ANKS1B: variants seen among roughly 807,000 people sequenced by gnomAD.
The protein encoded by ANKS1B is ankyrin repeat and sterile alpha motif domain containing 1B.
ANKS1B carries 36 observed loss-of-function variants against 148.3 expected under a neutral mutation model. The ratio of observed to expected loss-of-function variants is 0.24; its 90% confidence interval spans 0.19 to 0.32. The LOEUF is 0.32. Among genes scored for constraint, ANKS1B ranks in the 10% least tolerant of loss-of-function variants. The pLI is 1.00. For synonymous variants in ANKS1B, 542 were observed against 560.8 expected, an observed-to-expected ratio of 0.97 and a Z score of 0.47; for missense variants, 1,157 against 1,542.6, an observed-to-expected ratio of 0.75 and a Z score of 4.19.
intron 15 of ANKS1B, among the ~76,000 whole-genome samples, chr12:99,094,912 G>GTA (rs1281316064): frequency 2.0e-5 from 3 of 152,034 alleles, no homozygotes; most frequent in Admixed American, 2.0e-4. Context: ...AAATTGGGAG[G>GTA]TATGGAAGTT....
chr12:99,302,789 T>A (rs547619573), intron 12 of ANKS1B, among the ~76,000 whole-genome samples: 12 of 152,298 alleles, frequency 7.9e-5, no homozygotes, highest in African/African-American at 2.6e-4. Flanking sequence ...TATAAAGTTA[T>A]GAATACAAAC....
At position 98,913,214 on chromosome 12, in the gene ANKS1B, C is replaced by T. The variant is rs150057127; in HGVS notation, c.2779-81078G>A. On this transcript the variant is annotated intron_variant, in intron 17 of 26. Transcript: ENST00000683438. Reference sequence around the variant, plus strand: ...TTAATTCATTCCAGTCAGATGTTCTCCCACCCTCTACTGATGTGTAGACTG... The same window carrying T: ...TTAATTCATTCCAGTCAGATGTTCTTCCACCCTCTACTGATGTGTAGACTG... Among the ~76,000 whole-genome samples, 4 of 152,266 alleles carry T rather than the reference C, an allele frequency of 2.6e-5. No individual in the cohort carries two copies. In the East Asian group the frequency reaches 7.7e-4, roughly 29 times the overall value.
chr12:99,224,272 T>C (rs2085540581), intron 14 of ANKS1B, among the ~76,000 whole-genome samples: 1 of 152,194 alleles, frequency 6.6e-6, no homozygotes, highest in African/African-American at 2.4e-5. Flanking sequence ...TAATAACTAA[T>C]GGAGCTTTAC....
chr12:99,196,448 C>A (rs2081385138), intron 14 of ANKS1B, among the ~76,000 whole-genome samples: 1 of 152,130 alleles, frequency 6.6e-6, no homozygotes, highest in African/African-American at 2.4e-5. Context: ...TGGAAGACTG[C>A]AATGGCTGGC....
intron 12 of ANKS1B, among the ~76,000 whole-genome samples, chr12:99,310,418 G>C (rs926341666): frequency 1.1e-4 from 16 of 152,178 alleles, no homozygotes; most frequent in African/African-American, 3.6e-4. Context: ...ACTTAAAGCA[G>C]CCTGTCCTCC....
Position 98,751,584 on chromosome 12 carries a change from G to T in ANKS1B, c.3580-62C>A. 1.3e-6 allele frequency: 2 copies of T among 1,524,022 alleles called. No individual in the cohort carries two copies. The highest frequency in any genetic ancestry group is 1.8e-6 in the Non-Finnish European group (2 of 1,107,728). 94.4% of individuals were successfully genotyped at this position (1,524,022 alleles called of 1,614,324 possible). ...ACTGCAAATTAGAATGGGTCGAATG[G>T]CTGAGGAACACTGAGGGAGGTGAAC... On this transcript the variant is annotated intron_variant, in intron 25 of 26. Transcript: ENST00000683438. The surrounding 1 kb of genome is among the most constrained non-coding windows in gnomAD (Gnocchi z 4.3).
intron 9 of ANKS1B, among the ~76,000 whole-genome samples, chr12:99,507,204 T>C (rs1178022498): frequency 6.6e-6 from 1 of 151,918 alleles, no homozygotes; most frequent in African/African-American, 2.4e-5. Context: ...ATTGTAAAGA[T>C]TCTATGGAAA....
rs151009457 is a variant in ANKS1B, at chr12:99,687,849, T to G, written c.1129-32639A>C. Among the ~76,000 whole-genome samples, 172 of 152,340 alleles carry G rather than the reference T, an allele frequency of 1.1e-3. 1 individual carries two copies. The highest frequency in any genetic ancestry group is 3.4e-3 in the Middle Eastern group (1 of 294). On this transcript the variant is annotated intron_variant, in intron 8 of 26. Coordinates refer to ENST00000683438, the MANE Select transcript of ANKS1B (RefSeq NM_001352186.2). ...TATTTATTTTTCTCCAGGTTATGGCTTCTTTACACACAAAATAATTTTTTA... is the reference window on the plus strand; with the variant it reads ...TATTTATTTTTCTCCAGGTTATGGCGTCTTTACACACAAAATAATTTTTTA...
intron 4 of ANKS1B, among the ~76,000 whole-genome samples, chr12:99,790,866 C>T (rs560809956): frequency 1.7e-4 from 25 of 151,454 alleles, no homozygotes; most frequent in African/African-American, 4.6e-4. Flanking sequence ...AAGAGCAGAC[C>T]GCCAAAAAAA....
chr12:99,805,537 G>A (rs934430240), intron 4 of ANKS1B, among the ~76,000 whole-genome samples: 13 of 152,046 alleles, frequency 8.6e-5, no homozygotes, highest in Non-Finnish European at 1.6e-4. Context: ...TGAGGCAGGA[G>A]GATCACTTGA....
At chr12:99,147,948 A>G (rs1415926613) in intron 15 of ANKS1B, among the ~76,000 whole-genome samples, 1 of 152,070 alleles carries the variant, frequency 6.6e-6, no homozygotes, top group Non-Finnish European at 1.5e-5. Flanking sequence ...GGTAAGAAGC[A>G]GATCAGAGCT....
chr12:98,976,918 GACTA>G (rs367846005), intron 17 of ANKS1B, among the ~76,000 whole-genome samples: 36 of 152,234 alleles, frequency 2.4e-4, no homozygotes, highest in African/African-American at 6.0e-4. Context: ...TTAGCTATTA[GACTA>G]ACTATTTTCT....
chr12:99,635,610 A>G (rs1041008872), intron 9 of ANKS1B, among the ~76,000 whole-genome samples: 12 of 152,166 alleles, frequency 7.9e-5, no homozygotes, highest in Non-Finnish European at 1.5e-4. Flanking sequence ...GGGGAGGAAT[A>G]AATAGAAAGT....
In ANKS1B at chr12:99,974,985, T is replaced by TA. The variant is rs932763330; in HGVS notation, c.134+9118dup. On this transcript the variant is annotated intron_variant, in intron 1 of 26. Coordinates refer to ENST00000683438, the MANE Select transcript of ANKS1B (RefSeq NM_001352186.2). Reference sequence around the variant, plus strand: ...GAGGAACAGTGAGGCTCTGTCCTTATAAAAAAAAATCAAAAAATTGGTTGG... The same window carrying TA: ...GAGGAACAGTGAGGCTCTGTCCTTATAAAAAAAAAATCAAAAAATTGGTTGG... 6.6e-4 allele frequency among the ~76,000 whole-genome samples: 100 copies of TA among 151,636 alleles called. 2 individuals are homozygous for TA. Among genetic ancestry groups the TA allele is most frequent in the African/African-American group, 1.9e-3 (79 of 41,372 alleles).
chr12:99,842,097 G>A (rs770940728), intron 1 of ANKS1B, among the ~76,000 whole-genome samples: 4 of 151,762 alleles, frequency 2.6e-5, no homozygotes, highest in Non-Finnish European at 5.9e-5. Context: ...AGCATTATAG[G>A]CTGTGACATT....
Position 99,456,952 on chromosome 12 carries a change from C to A in ANKS1B, c.1439-13143G>T, listed in dbSNP as rs1946864158. Among the ~76,000 whole-genome samples the A allele has an allele frequency of 3.3e-5, 5 of 152,056 alleles. No homozygotes were observed. The South Asian group carries it at 1.0e-3, about 32-fold the overall frequency. ...GGGAAATTCATCACAAAAAGATCAT[C>A]GCCTAGGCACCTGATAGTCATCAGG... is the stretch of plus-strand genomic sequence containing the variant. On this transcript the variant is annotated intron_variant, in intron 10 of 26. Coordinates refer to ENST00000683438, the MANE Select transcript of ANKS1B (RefSeq NM_001352186.2).
chr12:99,508,886 A>C (rs968595080), intron 9 of ANKS1B, among the ~76,000 whole-genome samples: 1 of 151,844 alleles, frequency 6.6e-6, no homozygotes, highest in African/African-American at 2.4e-5. Context: ...TTGCATTTTT[A>C]AAAAAATAAA....
chr12:98,735,744 A>T, intron 9 of ANKS1B: 1 of 514,774 alleles, frequency 1.9e-6, no homozygotes, highest in Non-Finnish European at 3.6e-6. Context: ...TTGGGAACAC[A>T]GGAGTGAGCA....
At chr12:99,203,221 T>C (rs2082268360) in intron 14 of ANKS1B, among the ~76,000 whole-genome samples, 2 of 152,292 alleles carry the variant, frequency 1.3e-5, no homozygotes, top group South Asian at 4.1e-4. Flanking sequence ...GGTGAGCTCC[T>C]TACCAAGGGG....
Sources: gnomAD v4.1 joint callset for allele counts (sites outside exome capture counted in the v4.1 genomes callset) on GRCh38, gnomAD v4.1.1 for gene constraint, Gnocchi (gnomAD v3.1) non-coding constraint, MANE v1.5 for transcripts, NCBI Gene and HGNC (gene_info 2026-07-23, HGNC 2026-07-21) for gene names.